SRGAP3: variants seen among roughly 807,000 people sequenced by gnomAD.
SRGAP3 encodes the protein SLIT-ROBO Rho GTPase activating protein 3, also known as SLIT-ROBO Rho GTPase-activating protein 3.
In SRGAP3, 39 loss-of-function variants were observed where a neutral mutation model predicts 121.1. The ratio of observed to expected loss-of-function variants is 0.32; its 90% CI spans 0.25 to 0.42. SRGAP3 has a LOEUF of 0.42. Among genes scored for constraint, SRGAP3 ranks in the 10% least tolerant of loss-of-function variants. The pLI is 1.00. For synonymous variants in SRGAP3, 601 were observed against 570.0 expected, an observed-to-expected ratio of 1.05 and a Z score of -0.77; for missense variants, 1,213 against 1,470.6, an observed-to-expected ratio of 0.82 and a Z score of 2.86.
At chr3:9,100,674 G>A (rs1948181552) in intron 3 of SRGAP3, among the ~76,000 whole-genome samples, 1 of 152,140 alleles carries the variant, frequency 6.6e-6, no homozygotes, top group Non-Finnish European at 1.5e-5. Context: ...AAAATACAAG[G>A]GACTTTTTGC....
intron 1 of SRGAP3, among the ~76,000 whole-genome samples, chr3:9,242,077 C>CAAAA (rs142186507): frequency 1.5e-5 from 1 of 68,492 alleles, no homozygotes; most frequent in Non-Finnish European, 3.0e-5. Context: ...CACCCTAATT[C>CAAAA]AAAAAAAAAA....
chr3:9,312,135 G>A (rs574645772), intron 3 of SRGAP3, among the ~76,000 whole-genome samples: 1 of 152,038 alleles, frequency 6.6e-6, no homozygotes, highest in Non-Finnish European at 1.5e-5. Flanking sequence ...TTTTGTTTAT[G>A]TTGTTTTTTG....
chr3:9,038,290 G>A (rs1039929062), intron 10 of SRGAP3, among the ~76,000 whole-genome samples, 200 bp from the exon 11 acceptor site: 1 of 152,188 alleles, frequency 6.6e-6, no homozygotes, highest in Admixed American at 6.5e-5. Flanking sequence ...GTAGGGCTGT[G>A]TTCACACACA....
chr3:9,173,991 G>A (rs1951081299), intron 1 of SRGAP3, among the ~76,000 whole-genome samples: 1 of 152,204 alleles, frequency 6.6e-6, no homozygotes, highest in Admixed American at 6.5e-5. Context: ...TGTGTCCATC[G>A]ACGGATGGAT....
Position 8,983,262 on chromosome 3 carries a change from A to G in SRGAP3, c.*2257T>C, listed in dbSNP as rs960873239. The G allele has an allele frequency of 8.8e-6, 2 of 227,124 alleles. No homozygotes were observed. The highest frequency in any genetic ancestry group is 2.2e-5 in the African/African-American group (1 of 44,962). 14.1% of individuals were successfully genotyped at this position (227,124 alleles called of 1,614,324 possible). Reference sequence around the variant, plus strand: ...TACTCTCTTAAGCTGTAAAATGGCAATATCTTTCTGTGCTCCAAGCAGATG... The same window carrying G: ...TACTCTCTTAAGCTGTAAAATGGCAGTATCTTTCTGTGCTCCAAGCAGATG... On this transcript the variant is annotated 3_prime_UTR_variant, in exon 22 of 22. Transcript: ENST00000383836.
intron 5 of SRGAP3, 86 bp downstream of exon 5, chr3:9,064,310 G>C: frequency 1.9e-6 from 3 of 1,580,122 alleles, no homozygotes; most frequent in South Asian, 2.3e-5. Flanking sequence ...GGGAATAAGG[G>C]GGAAGGCTAA....
chr3:9,272,190 G>A (rs964033233), intron 3 of SRGAP3, among the ~76,000 whole-genome samples: 7 of 152,276 alleles, frequency 4.6e-5, no homozygotes, highest in African/African-American at 1.2e-4. Context: ...CAGTCGTTAC[G>A]GTGGTGTGAT....
intron 2 of SRGAP3, among the ~76,000 whole-genome samples, chr3:9,114,802 G>A (rs1327303114): frequency 4.6e-5 from 7 of 152,106 alleles, no homozygotes; most frequent in Non-Finnish European, 1.0e-4. Context: ...CCCGATCCAT[G>A]GCTTCCTGAT....
intron 1 of SRGAP3, among the ~76,000 whole-genome samples, chr3:9,200,786 G>A (rs1477649489): frequency 1.3e-5 from 2 of 152,134 alleles, no homozygotes; most frequent in Non-Finnish European, 2.9e-5. Context: ...GCAGATTCCC[G>A]GGCTCCACCA....
At chr3:9,251,998 TC>T (rs1194493950), upstream of SRGAP3, among the ~76,000 whole-genome samples, 3 of 152,174 alleles carry the variant, frequency 2.0e-5, no homozygotes, top group African/African-American at 7.2e-5. Context: ...AGACATAATT[TC>T]TTTTTTAGAG....
intron 3 of SRGAP3, among the ~76,000 whole-genome samples, chr3:9,289,063 AT>A (rs1422881661): frequency 8.6e-5 from 13 of 151,928 alleles, no homozygotes; most frequent in Admixed American, 3.9e-4. Flanking sequence ...AGCCTGGCTA[AT>A]TTTTTGTATT....
rs113082826 is a variant in SRGAP3 at position 9,177,224 on chromosome 3, T to C, written c.68-52307A>G. 3.9e-3 allele frequency among the ~76,000 whole-genome samples: 591 copies of C among 152,346 alleles called. 4 individuals carry two copies. The highest frequency in any genetic ancestry group is 0.012 in the African/African-American group (481 of 41,592). On this transcript the variant is annotated intron_variant, in intron 1 of 21. Coordinates refer to ENST00000383836, the MANE Select transcript of SRGAP3 (RefSeq NM_014850.4). ...ACAAAAGGAAGCAAAGCCAGGTCCC[T>C]CCTGTTACGGAGTCTCCATTCTGGT...
chr3:9,027,579 T>C (rs931038678), intron 12 of SRGAP3, among the ~76,000 whole-genome samples: 1 of 152,184 alleles, frequency 6.6e-6, no homozygotes, highest in Non-Finnish European at 1.5e-5. Context: ...GGAAAAGCTC[T>C]AGAGGCAGCC....
At chr3:9,346,800 G>A (rs1559287238) in intron 1 of SRGAP3, among the ~76,000 whole-genome samples, 1 of 148,740 alleles carries the variant, frequency 6.7e-6, no homozygotes, top group Non-Finnish European at 1.5e-5. Context: ...TCTCCCCTGA[G>A]GCTGAAGTGC....
chr3:9,293,614 T>C (rs773199279), intron 3 of SRGAP3, among the ~76,000 whole-genome samples: 1 of 152,088 alleles, frequency 6.6e-6, no homozygotes, highest in Non-Finnish European at 1.5e-5. Context: ...ATCCAGCATC[T>C]ATAAGGAACG....
chr3:8,989,495 C>T (rs752007589), intron 21 of SRGAP3, among the ~76,000 whole-genome samples: 23 of 152,172 alleles, frequency 1.5e-4, no homozygotes, highest in Non-Finnish European at 2.9e-4. Context: ...TGCCCTTCTT[C>T]CTTCTCCTTT....
chr3:9,355,264 T>C (rs2030431820), intron 1 of SRGAP3, among the ~76,000 whole-genome samples: 1 of 152,232 alleles, frequency 6.6e-6, no homozygotes, highest in African/African-American at 2.4e-5. Context: ...TATCCTAGTT[T>C]GAGATATCAT....
chr3:9,233,146 A>G (rs1348152793), intron 1 of SRGAP3, among the ~76,000 whole-genome samples: 1 of 152,132 alleles, frequency 6.6e-6, no homozygotes, highest in African/African-American at 2.4e-5. Flanking sequence ...GGAAATTCTG[A>G]CTTATGTTAT....
chr3:9,338,712 T>C (rs1018117085), intron 1 of SRGAP3, among the ~76,000 whole-genome samples: 3 of 152,196 alleles, frequency 2.0e-5, no homozygotes, highest in Non-Finnish European at 4.4e-5. Context: ...CCATGCACCA[T>C]CAGCAAGAAG....
Sources: gnomAD v4.1 joint callset for allele counts (sites outside exome capture counted in the v4.1 genomes callset) on GRCh38, gnomAD v4.1.1 for gene constraint, MANE v1.5 for transcripts, NCBI Gene and HGNC (gene_info 2026-07-23, HGNC 2026-07-21) for gene names.